The following LRMDA variants were observed in gnomAD, a reference collection of about 807,000 sequenced individuals.
LRMDA encodes leucine rich melanocyte differentiation associated.
LRMDA carries 18 observed loss-of-function variants against 29.8 expected under a neutral mutation model. The ratio of observed to expected loss-of-function variants is 0.60; its 90% CI spans 0.42 to 0.90. The LOEUF (loss-of-function observed/expected upper bound fraction) is 0.90, where lower values mean the gene tolerates loss of function less well. Ranked by LOEUF, LRMDA falls within the 40% of genes least tolerant of loss-of-function variation. LRMDA has a pLI of 0.00. For synonymous variants in LRMDA, 125 were observed against 109.4 expected (o/e 1.14, Z -0.89); for missense variants, 273 against 273.9 (o/e 1.00, Z 0.02).
intron 2 of LRMDA, among the ~76,000 whole-genome samples, chr10:75,600,706 G>A (rs1277459675): frequency 6.6e-6 from 1 of 152,158 alleles, no homozygotes; most frequent in Non-Finnish European, 1.5e-5. Flanking sequence ...TGCCATGCAT[G>A]TGACCACCTA....
intron 3 of LRMDA, among the ~76,000 whole-genome samples, chr10:76,044,842 G>A (rs576182661): frequency 6.6e-6 from 1 of 152,344 alleles, no homozygotes; most frequent in African/African-American, 2.4e-5. Context: ...GGATGTTGGT[G>A]AATTGAAGCC....
chr10:75,497,834 G>A (rs769915271), intron 2 of LRMDA, among the ~76,000 whole-genome samples: 2 of 152,040 alleles, frequency 1.3e-5, no homozygotes, highest in Non-Finnish European at 2.9e-5. Flanking sequence ...CACTTAAGCT[G>A]TTTCCAGATT....
intron 2 of LRMDA, among the ~76,000 whole-genome samples, chr10:75,733,976 C>T (rs1277402985): frequency 1.3e-5 from 2 of 152,188 alleles, no homozygotes; most frequent in African/African-American, 4.8e-5. Flanking sequence ...TTCTCAAGCC[C>T]TTTCCCTTCA....
At position 76,392,027 on chromosome 10, in the gene LRMDA, T is replaced by G. The variant is rs549367952; in HGVS notation, c.601+67542T>G. On this transcript the variant is annotated intron_variant, in intron 6 of 6. Transcript: ENST00000611255. ...GTCTTATGTTGGAATAGTGTCTGAT[T>G]GCTGACAAGCTGAGCAGTAGTTTTG... 2.0e-5 allele frequency among the ~76,000 whole-genome samples: 3 copies of G among 152,332 alleles called. No homozygotes were observed. In the South Asian group the frequency reaches 6.2e-4, roughly 32 times the overall value.
rs956261385 is a variant in LRMDA at position 76,483,357 on chromosome 10, T to A, written c.602-73852T>A. ...TCTGATGGGTAAAAGGCAGAACTCTTTGTTACTGGCAGCTCCAAATCAGAG... is the reference window on the plus strand; with the variant it reads ...TCTGATGGGTAAAAGGCAGAACTCTATGTTACTGGCAGCTCCAAATCAGAG... On this transcript the variant is annotated intron_variant, in intron 6 of 6. Transcript: ENST00000611255. Among the ~76,000 whole-genome samples the A allele has an allele frequency of 2.0e-5, 3 of 152,058 alleles. No individual in the cohort carries two copies. The South Asian group carries it at 6.2e-4, about 31-fold the overall frequency.
In LRMDA at chr10:76,239,919, T is replaced by A. The variant is rs556728396; in HGVS notation, c.517-84482T>A. Among the ~76,000 whole-genome samples, 322 of 152,052 alleles carry A rather than the reference T, an allele frequency of 2.1e-3. 1 individual carries two copies. Among genetic ancestry groups the A allele is most frequent in the African/African-American group, 7.0e-3 (292 of 41,494 alleles). Reference sequence around the variant, plus strand: ...ATCATTACATTTTATGTATATATACTTATATATAATGTATATATACATACA... The same window carrying A: ...ATCATTACATTTTATGTATATATACATATATATAATGTATATATACATACA... On this transcript the variant is annotated intron_variant, in intron 5 of 6. Transcript: ENST00000611255.
intron 2 of LRMDA, among the ~76,000 whole-genome samples, chr10:75,689,838 T>A (rs989380620): frequency 6.6e-6 from 1 of 152,208 alleles, no homozygotes; most frequent in Non-Finnish European, 1.5e-5. Flanking sequence ...CACTGGTCCT[T>A]TCCAGGCTGC....
intron 5 of LRMDA, among the ~76,000 whole-genome samples, chr10:76,308,721 AACC>A (rs1484074768): frequency 6.6e-6 from 1 of 152,100 alleles, no homozygotes; most frequent in African/African-American, 2.4e-5. Flanking sequence ...TTCTCCTCAA[AACC>A]TCTCCCCATA....
At chr10:75,451,824 T>A (rs1189741132) in intron 2 of LRMDA, 1 of 152,110 alleles carries the variant, frequency 6.6e-6, no homozygotes, top group Non-Finnish European at 1.5e-5. Context: ...GGATTTAGCT[T>A]TCGCTACGTC....
At chr10:76,206,096 G>A (rs1261273129) in intron 5 of LRMDA, among the ~76,000 whole-genome samples, 1 of 152,130 alleles carries the variant, frequency 6.6e-6, no homozygotes, top group Non-Finnish European at 1.5e-5. Flanking sequence ...CATCTGGATT[G>A]GTTTCTTGAT....
At chr10:76,418,118 C>T (rs1374530197) in intron 6 of LRMDA, among the ~76,000 whole-genome samples, 1 of 151,964 alleles carries the variant, frequency 6.6e-6, no homozygotes, top group Non-Finnish European at 1.5e-5. Flanking sequence ...TTTGAATCTC[C>T]ATACAAGTTT....
intron 5 of LRMDA, among the ~76,000 whole-genome samples, chr10:76,223,280 A>AT (rs1370830103): frequency 3.3e-5 from 5 of 152,178 alleles, no homozygotes; most frequent in African/African-American, 7.2e-5. Context: ...AATAATAATA[A>AT]AAAAGAGTCT....
chr10:75,652,378 C>T (rs760947304), intron 2 of LRMDA, among the ~76,000 whole-genome samples: 9 of 152,210 alleles, frequency 5.9e-5, no homozygotes, highest in Non-Finnish European at 1.3e-4. Flanking sequence ...TTTATGTTCA[C>T]TGTGTAGACA....
chr10:75,934,415 T>A (rs1448583320), intron 2 of LRMDA, among the ~76,000 whole-genome samples: 3 of 152,184 alleles, frequency 2.0e-5, no homozygotes, highest in Non-Finnish European at 4.4e-5. Flanking sequence ...AGGAGAGGTA[T>A]GGGCCAGTAG....
intron 2 of LRMDA, among the ~76,000 whole-genome samples, chr10:75,892,545 C>T (rs879581823): frequency 3.3e-5 from 5 of 152,178 alleles, no homozygotes; most frequent in Non-Finnish European, 7.4e-5. Context: ...ACTCAATGTC[C>T]TTTTTACTAA....
At chr10:76,369,848 A>C (rs1841432483) in intron 6 of LRMDA, among the ~76,000 whole-genome samples, 1 of 152,192 alleles carries the variant, frequency 6.6e-6, no homozygotes, top group African/African-American at 2.4e-5. Context: ...GGCCTATAGC[A>C]GTGGCTTAAC....
chr10:76,229,513 G>A (rs905683019), intron 5 of LRMDA, among the ~76,000 whole-genome samples: 10 of 152,154 alleles, frequency 6.6e-5, no homozygotes, highest in Non-Finnish European at 1.3e-4. Flanking sequence ...TTATAGAGAG[G>A]TGATGCAAGA....
chr10:75,858,843 CT>C (rs1349916970), intron 2 of LRMDA, among the ~76,000 whole-genome samples: 6 of 152,238 alleles, frequency 3.9e-5, no homozygotes, highest in Non-Finnish European at 5.9e-5. Flanking sequence ...TCCTCTACCC[CT>C]AATCTCTTCC....
chr10:75,536,796 G>A (rs1229912337), intron 2 of LRMDA, among the ~76,000 whole-genome samples: 1 of 152,082 alleles, frequency 6.6e-6, no homozygotes, highest in Non-Finnish European at 1.5e-5. Flanking sequence ...TTAGCCTCAA[G>A]TGATCCTCTT....
Sources: allele counts gnomAD v4.1 joint callset (sites outside exome capture counted in the v4.1 genomes callset), GRCh38; gene constraint gnomAD v4.1.1; transcripts MANE v1.5; gene names NCBI Gene and HGNC (gene_info 2026-07-23, HGNC 2026-07-21).